FNDC1: variants seen among roughly 807,000 people sequenced by gnomAD.
The protein encoded by FNDC1 is fibronectin type III domain containing 1.
In FNDC1, 96 loss-of-function variants were observed where a neutral mutation model predicts 168.0. That is an observed-to-expected ratio of 0.57 (90% CI 0.48 to 0.68). FNDC1 has a LOEUF of 0.68. Among genes scored for constraint, FNDC1 ranks in the 30% least tolerant of loss-of-function variants. The probability of loss-of-function intolerance (pLI) is 0.00; values close to 1 mark genes in which losing one functional copy is unlikely to be tolerated. For missense variants in FNDC1, 2,587 were observed against 2,482.1 expected, an observed-to-expected ratio of 1.04 and a Z score of -0.90; for synonymous variants, 1,099 against 1,025.9, an observed-to-expected ratio of 1.07 and a Z score of -1.36.
chr6:159,206,580 G>C (rs1437553124), intron 4 of FNDC1, among the ~76,000 whole-genome samples: 10 of 152,214 alleles, frequency 6.6e-5, no homozygotes, highest in African/African-American at 9.6e-5. Context: ...GACAACAGCT[G>C]GGGCTTGGAC....
Position 159,200,488 on chromosome 6 carries a change from A to G in FNDC1, c.392-25A>G, listed in dbSNP as rs371180471. The stretch of plus-strand genomic sequence containing the variant: ...AACCCAACAGTCCTCGTTTCTAACT[A>G]TCAAGTTGCATTTCCCTAATTTAGG... On this transcript the variant is annotated intron_variant, in intron 3 of 22. Transcript: ENST00000297267. 1.9e-5 allele frequency: 30 copies of G among 1,571,446 alleles called. No homozygotes were observed. In the African/African-American group the frequency reaches 3.5e-4, roughly 18 times the overall value.
chr6:159,258,941 A>G (rs934036999), intron 18 of FNDC1, among the ~76,000 whole-genome samples: 8 of 152,246 alleles, frequency 5.3e-5, no homozygotes, highest in Non-Finnish European at 5.9e-5. Context: ...GCCAGGGCAT[A>G]AAAGTGAGCT....
At chr6:159,255,501 T>G (rs1000094810) in intron 17 of FNDC1, among the ~76,000 whole-genome samples, 1 of 152,216 alleles carries the variant, frequency 6.6e-6, no homozygotes, top group Admixed American at 6.5e-5. Flanking sequence ...TGTTTCCCAG[T>G]GCACCCTGCG....
At chr6:159,253,205 C>T (rs959898690) in intron 17 of FNDC1, among the ~76,000 whole-genome samples, 2 of 152,166 alleles carry the variant, frequency 1.3e-5, no homozygotes, top group Non-Finnish European at 2.9e-5. Context: ...TAAGGCACTC[C>T]CAATACAGAG....
intron 21 of FNDC1, among the ~76,000 whole-genome samples, chr6:159,266,856 C>T (rs1252245837): frequency 6.6e-6 from 1 of 152,138 alleles, no homozygotes; most frequent in African/African-American, 2.4e-5. Context: ...TAATAAAAAT[C>T]ACATTGTTTT....
chr6:159,192,995 A>C (rs1232152604), intron 1 of FNDC1, among the ~76,000 whole-genome samples: 1 of 152,184 alleles, frequency 6.6e-6, no homozygotes, highest in East Asian at 1.9e-4. Flanking sequence ...CCAGATTCAC[A>C]GAGTCTCTGA....
At chr6:159,183,912 G>A (rs1191799494) in intron 1 of FNDC1, among the ~76,000 whole-genome samples, 1 of 152,178 alleles carries the variant, frequency 6.6e-6, no homozygotes, top group Admixed American at 6.5e-5. Context: ...GCCACCACTG[G>A]CTTTCAGTTT....
In FNDC1 at chr6:159,232,320, C is replaced by A. The variant is rs981322396; in HGVS notation, c.1808C>A (p.Ser603Tyr). The A allele has an allele frequency of 1.9e-6, 3 of 1,613,016 alleles. No individual in the cohort carries two copies. The highest frequency in any genetic ancestry group is 2.2e-5 in the East Asian group (1 of 44,864). The change falls in exon 11 of 23, where the codon TCC (serine) becomes TAC (tyrosine). Residue 603 changes from serine (S) to tyrosine (Y), a missense_variant. Transcript: ENST00000297267. The surrounding 1 kb of genome is among the most constrained non-coding windows in gnomAD (Gnocchi z 4.9). The part of the protein sequence containing the change: ...RREGVDKPGF[S>Y]LATQPRPGAP... ...GAAGGCGTAGATAAGCCTGGCTTTT[C>A]CCTGGCCACGCAGCCCCGCCCAGGG... is the stretch of plus-strand genomic sequence containing the variant.
intron 1 of FNDC1, among the ~76,000 whole-genome samples, chr6:159,179,587 C>T (rs1198250896): frequency 7.2e-5 from 11 of 152,210 alleles, no homozygotes; most frequent in Non-Finnish European, 1.3e-4. Context: ...TATCCTTACC[C>T]CCAGCACATC....
chr6:159,267,989 G>A, intron 22 of FNDC1, 63 bp downstream of exon 22: 1 of 1,542,708 alleles, frequency 6.5e-7, no homozygotes, highest in South Asian at 1.2e-5. Context: ...TAATAGAGGG[G>A]GAAAATCCAC....
rs1562315625 is a variant in FNDC1 at position 159,269,209 on chromosome 6, CTATCTATCT to C, written c.5569+1284_5569+1292del. 2.0e-3 allele frequency among the ~76,000 whole-genome samples: 222 copies of C among 111,922 alleles called. 1 individual carries two copies. Among genetic ancestry groups the C allele is most frequent in the Middle Eastern group, 9.0e-3 (2 of 222 alleles). 73.4% of individuals were successfully genotyped at this position (111,922 alleles called of 152,430 possible). A position where few individuals can be genotyped will look rare whatever the true frequency, so the allele number is the denominator to read the frequency against. ...CCATCCATTATCTACCTATTCATATCTATCTATCTATCTATCTATCTATCTATCTATCTA... is the reference window on the plus strand; with the variant it reads ...CCATCCATTATCTACCTATTCATATCATCTATCTATCTATCTATCTATCTA... On this transcript the variant is annotated intron_variant, in intron 22 of 22. Transcript: ENST00000297267.
Position 159,231,960 on chromosome 6 carries a change from G to T in FNDC1, c.1448G>T (p.Arg483Ile). The T allele has an allele frequency of 1.9e-6, 3 of 1,613,914 alleles. No homozygotes were observed. Among genetic ancestry groups the T allele is most frequent in the Non-Finnish European group, 2.5e-6 (3 of 1,179,872 alleles). Residue 483 changes from arginine (R) to isoleucine (I), a missense_variant, in exon 11 of 23, where the codon AGA (arginine) becomes ATA (isoleucine). Transcript: ENST00000297267. ...EKPEPSSPSP[R>I]APASSQHPSV... ...CCTGAGCCTTCCTCACCTTCTCCCA[G>T]AGCTCCAGCTTCCTCCCAACACCCC...
Position 159,233,998 on chromosome 6 carries a change from T to C in FNDC1, c.3486T>C (p.Pro1162=), listed in dbSNP as rs1247473145. The part of the protein sequence containing the change: ...SRAAPGKSEP[P]SKRPLSSKSQ... ...CAGCGCCGGGGAAGTCGGAGCCTCC[T>C]TCCAAGCGGCCCCTGTCCTCCAAGT... Residue 1162 remains proline, a synonymous_variant, in exon 11 of 23, where the codon CCT becomes CCC. Coordinates refer to ENST00000297267, the MANE Select transcript of FNDC1 (RefSeq NM_032532.3). The surrounding 1 kb of genome is among the most constrained non-coding windows in gnomAD (Gnocchi z 4.6). 9 of 1,605,552 alleles carry C rather than the reference T, an allele frequency of 5.6e-6. No homozygotes were observed. Among genetic ancestry groups the C allele is most frequent in the Non-Finnish European group, 6.8e-6 (8 of 1,176,476 alleles).
rs1295003577 is a variant in FNDC1 at position 159,233,574 on chromosome 6, G to C, written c.3062G>C (p.Ser1021Thr). 3 of 1,588,984 alleles carry C rather than the reference G, an allele frequency of 1.9e-6. No homozygotes were observed. Among genetic ancestry groups the C allele is most frequent in the Non-Finnish European group, 2.6e-6 (3 of 1,171,214 alleles). The change falls in exon 11 of 23, where the codon AGC (serine) becomes ACC (threonine). Residue 1021 changes from serine to threonine, a missense_variant. Coordinates refer to ENST00000297267, the MANE Select transcript of FNDC1 (RefSeq NM_032532.3). This position sits in a 1 kb window ranked among gnomAD's most constrained non-coding sequence, Gnocchi z 4.6. ...ATSQHHPGPQ[S>T]RDAGRSPSQP... Reference sequence around the variant, plus strand: ...TCCCAGCACCACCCGGGACCCCAGAGCAGAGACGCGGGTCGGTCACCTTCC... The same window carrying C: ...TCCCAGCACCACCCGGGACCCCAGACCAGAGACGCGGGTCGGTCACCTTCC...
chr6:159,210,251 A>G (rs773273461), intron 4 of FNDC1, among the ~76,000 whole-genome samples: 3 of 152,202 alleles, frequency 2.0e-5, no homozygotes, highest in Non-Finnish European at 4.4e-5. Context: ...CAACTCTGCA[A>G]CCACCATGAG....
At chr6:159,261,916 A>G (rs1375863003) in intron 19 of FNDC1, among the ~76,000 whole-genome samples, 1 of 151,080 alleles carries the variant, frequency 6.6e-6, no homozygotes, top group African/African-American at 2.4e-5. Flanking sequence ...AGCTTGAGCA[A>G]CACAGGGAGG....
chr6:159,206,938 A>C (rs1782498334), intron 4 of FNDC1, among the ~76,000 whole-genome samples: 2 of 152,216 alleles, frequency 1.3e-5, no homozygotes, highest in African/African-American at 4.8e-5. Flanking sequence ...GCTCGTTTCA[A>C]AGCTGCCTCT....
intron 4 of FNDC1, among the ~76,000 whole-genome samples, chr6:159,214,098 G>C (rs1381155983): frequency 6.6e-6 from 1 of 152,212 alleles, no homozygotes; most frequent in Non-Finnish European, 1.5e-5. Flanking sequence ...CACAATTAAA[G>C]AGGTGCTCCT....
At chr6:159,265,716 T>C (rs1009653093) in intron 20 of FNDC1, among the ~76,000 whole-genome samples, 2 of 151,740 alleles carry the variant, frequency 1.3e-5, no homozygotes, top group Non-Finnish European at 2.9e-5. Flanking sequence ...GATTGCGAGG[T>C]CAGGAGTTTG....
Sources: allele counts gnomAD v4.1 joint callset (sites outside exome capture counted in the v4.1 genomes callset), GRCh38; gene constraint gnomAD v4.1.1; non-coding constraint Gnocchi (gnomAD v3.1); transcripts MANE v1.5; gene names NCBI Gene and HGNC (gene_info 2026-07-23, HGNC 2026-07-21).